Variants in PDE1A observed in about 807,000 individuals in gnomAD.
The protein encoded by PDE1A is phosphodiesterase 1A.
PDE1A carries 35 observed loss-of-function variants against 61.7 expected under a neutral mutation model. The ratio of observed to expected loss-of-function variants is 0.57; its 90% CI spans 0.43 to 0.75. The LOEUF is 0.75. PDE1A is among the 30% of genes least tolerant of loss of function. The probability of loss-of-function intolerance (pLI) is 0.00; values close to 1 mark genes in which losing one functional copy is unlikely to be tolerated. For missense variants in PDE1A, 597 were observed against 630.6 expected (o/e 0.95, Z 0.57); for synonymous variants, 232 against 213.2 (o/e 1.09, Z -0.77).
chr2:182,248,418 G>A (rs548372067), intron 2 of PDE1A, among the ~76,000 whole-genome samples: 1 of 152,090 alleles, frequency 6.6e-6, no homozygotes, highest in Non-Finnish European at 1.5e-5. Context: ...AAAGCATAAA[G>A]TCAAGGGTTT....
chr2:182,144,915 G>T (rs114426858), downstream of PDE1A, among the ~76,000 whole-genome samples: 2,196 of 152,248 alleles, frequency 0.014, 33 homozygotes, highest in South Asian at 0.057. Context: ...ATCTGCCAGA[G>T]CCAAAGAGTG....
the PDE1A span, among the ~76,000 whole-genome samples, chr2:182,550,795 C>T: frequency 1.5e-3 from 222 of 152,192 alleles, no homozygotes; most frequent in South Asian, 3.9e-3. Context: ...CTTGTGGTTC[C>T]GCTATCCTGT....
chr2:182,532,483 A>G, the PDE1A span, among the ~76,000 whole-genome samples: 54 of 152,332 alleles, frequency 3.5e-4, no homozygotes, highest in Admixed American at 2.3e-3. Flanking sequence ...AGGCAAATCT[A>G]GAGAGTCATG....
chr2:182,405,894 T>C (rs1702271620), intron 1 of PDE1A, among the ~76,000 whole-genome samples: 1 of 152,088 alleles, frequency 6.6e-6, no homozygotes, highest in Non-Finnish European at 1.5e-5. Flanking sequence ...GCAATTATCA[T>C]TTGTCAACTA....
At chr2:182,414,079 T>C (rs547278196) in intron 1 of PDE1A, among the ~76,000 whole-genome samples, 2 of 152,136 alleles carry the variant, frequency 1.3e-5, no homozygotes, top group East Asian at 1.9e-4. Flanking sequence ...ACATGTAAAT[T>C]TGAGGATCAC....
intron 7 of PDE1A, among the ~76,000 whole-genome samples, chr2:182,209,885 T>C (rs1395039711): frequency 6.6e-6 from 1 of 152,174 alleles, no homozygotes; most frequent in Non-Finnish European, 1.5e-5. Context: ...GCCAGCTTTT[T>C]ATAGCAGTGT....
chr2:182,457,026 A>G (rs2125745756), intron 2 of PDE1A, among the ~76,000 whole-genome samples: 1 of 152,220 alleles, frequency 6.6e-6, no homozygotes, highest in South Asian at 2.1e-4. Flanking sequence ...CCTAACAGTA[A>G]GTATGAATGC....
intron 2 of PDE1A, among the ~76,000 whole-genome samples, chr2:182,496,719 G>A (rs1008558880): frequency 1.3e-5 from 2 of 152,244 alleles, no homozygotes; most frequent in African/African-American, 4.8e-5. Context: ...TGCATGTCTA[G>A]CCACTGGCTC....
At chr2:182,660,502 C>A in the PDE1A span, among the ~76,000 whole-genome samples, 1 of 152,148 alleles carries the variant, frequency 6.6e-6, no homozygotes, top group African/African-American at 2.4e-5. Flanking sequence ...GATTTTGCAG[C>A]TATAATCAAG....
In PDE1A at chr2:182,453,903, G is replaced by A. The variant is rs531144725; in HGVS notation, c.101+68373C>T. ...CACCACTCCTATTCAACACAGTGTT[G>A]GAAGTTCTGGCCAGGGCAATTAGGC... On this transcript the variant is annotated intron_variant, in intron 2 of 14. Coordinates refer to the PDE1A transcript ENST00000410103. Among the ~76,000 whole-genome samples the A allele has an allele frequency of 4.2e-3, 645 of 152,028 alleles. 4 individuals carry two copies. The highest frequency in any genetic ancestry group is 0.017 in the Middle Eastern group (5 of 294).
intron 1 of PDE1A, among the ~76,000 whole-genome samples, chr2:182,378,425 G>A (rs1473106615): frequency 6.6e-6 from 1 of 152,136 alleles, no homozygotes; most frequent in Non-Finnish European, 1.5e-5. Flanking sequence ...TTTGCATACT[G>A]AGTCAACAAC....
In PDE1A at chr2:182,167,965, G is replaced by A. The variant is rs564921961; in HGVS notation, c.*282C>T. ...GCTCAAAGAAAATTTATTGGCACTC[G>A]GTAAAGACAAATGCCACAAAATGCC... On this transcript the variant is annotated 3_prime_UTR_variant, in exon 14 of 14. Coordinates refer to ENST00000351439, the Ensembl canonical transcript of PDE1A. 48 of 1,178,900 alleles carry A rather than the reference G, an allele frequency of 4.1e-5. 1 individual carries two copies. In the African/African-American group the frequency reaches 5.4e-4, roughly 13 times the overall value. The allele number at this position is 1,178,900 out of a possible 1,614,324, so 73.0% of individuals were successfully genotyped here.
chr2:182,685,128 G>C, the PDE1A span, among the ~76,000 whole-genome samples: 952 of 150,188 alleles, frequency 6.3e-3, 7 homozygotes, highest in African/African-American at 0.021. Flanking sequence ...CACACACACA[G>C]AGAGAGAGAG....
At chr2:182,513,828 C>A (rs1198053049) in intron 2 of PDE1A, among the ~76,000 whole-genome samples, 1 of 152,156 alleles carries the variant, frequency 6.6e-6, no homozygotes, top group African/African-American at 2.4e-5. Context: ...ATTAAGCCAA[C>A]AATGATCAAA....
chr2:182,418,169 G>C (rs1703038282), intron 1 of PDE1A, among the ~76,000 whole-genome samples: 1 of 152,082 alleles, frequency 6.6e-6, no homozygotes, highest in African/African-American at 2.4e-5. Flanking sequence ...TAGTTTTAGT[G>C]TATTTGGAAT....
At chr2:182,235,743 C>T (rs72895100) in intron 3 of PDE1A, among the ~76,000 whole-genome samples, 1 of 152,270 alleles carries the variant, frequency 6.6e-6, no homozygotes, top group Non-Finnish European at 1.5e-5. Flanking sequence ...TAAATTCTCC[C>T]TACAAAAGGC....
intron 7 of PDE1A, among the ~76,000 whole-genome samples, chr2:182,219,864 T>A (rs560208247): frequency 6.6e-6 from 1 of 152,272 alleles, no homozygotes; most frequent in East Asian, 1.9e-4. Flanking sequence ...ATAATAATCA[T>A]TTTACTATCT....
the PDE1A span, among the ~76,000 whole-genome samples, chr2:182,625,516 A>C: frequency 6.6e-6 from 1 of 152,224 alleles, no homozygotes; most frequent in Non-Finnish European, 1.5e-5. Flanking sequence ...TGCCTTGAAG[A>C]AATCTCTCTG....
chr2:182,560,998 T>C, the PDE1A span, among the ~76,000 whole-genome samples: 1 of 149,514 alleles, frequency 6.7e-6, no homozygotes, highest in African/African-American at 2.4e-5. Context: ...TTCTCCCATT[T>C]TGTAGGTTGC....
Sources: allele counts gnomAD v4.1 joint callset (sites outside exome capture counted in the v4.1 genomes callset), GRCh38; gene constraint gnomAD v4.1.1; transcripts MANE v1.5; gene names NCBI Gene and HGNC (gene_info 2026-07-23, HGNC 2026-07-21).